The following FAT3 variants were observed in gnomAD, a reference collection of about 807,000 sequenced individuals.
The protein encoded by FAT3 is FAT atypical cadherin 3, also known as protocadherin Fat 3.
In FAT3, 95 loss-of-function variants were observed where a neutral mutation model predicts 310.2. That is an observed-to-expected ratio of 0.31 (90% confidence interval 0.26 to 0.36). FAT3 has a LOEUF of 0.36. Ranked by LOEUF, FAT3 falls within the 10% of genes least tolerant of loss-of-function variation. The pLI is 1.00. For missense variants in FAT3, 5,408 were observed against 5,715.6 expected (o/e 0.95, Z 1.74); for synonymous variants, 2,314 against 2,192.9 (o/e 1.06, Z -1.54).
intron 13 of FAT3, 55 bp from the exon 14 acceptor site, chr11:92,831,567 T>C (rs2136258784): frequency 6.7e-7 from 1 of 1,488,998 alleles, no homozygotes; most frequent in Non-Finnish European, 9.1e-7. Flanking sequence ...AACATTCTAG[T>C]GCAGATCATC....
intron 2 of FAT3, among the ~76,000 whole-genome samples, chr11:92,473,877 T>C (rs778232681): frequency 2.6e-5 from 4 of 152,216 alleles, no homozygotes; most frequent in Admixed American, 6.5e-5. Context: ...ATGGGCCTTA[T>C]GTGTGGAAAG....
intron 1 of FAT3, among the ~76,000 whole-genome samples, chr11:92,342,082 C>T (rs1948280320): frequency 6.6e-6 from 1 of 152,152 alleles, no homozygotes; most frequent in South Asian, 2.1e-4. Flanking sequence ...CCTGCTTGAG[C>T]CTGTGTCTGC....
At position 92,524,779 on chromosome 11, in the gene FAT3, G is replaced by A. The variant is rs117219140; in HGVS notation, c.3438G>A (p.Pro1146=). 3.8e-3 allele frequency: 6,105 copies of A among 1,613,676 alleles called. 29 individuals carry two copies. The highest frequency in any genetic ancestry group is 0.023 in the East Asian group (1,018 of 44,850). Residue 1146 remains proline, a synonymous_variant, in exon 3 of 28, where the codon CCG becomes CCA. Transcript: ENST00000525166. ...TTGAAGATGTGAATGACAATGCCCC[G>A]CTGACCTCAGAACCTATATATTATC... The part of the protein sequence containing the change: ...IEVEDVNDNA[P]LTSEPIYYPV...
At chr11:92,804,143 A>C (rs1177406187) in intron 10 of FAT3, among the ~76,000 whole-genome samples, 1 of 152,182 alleles carries the variant, frequency 6.6e-6, no homozygotes, top group Non-Finnish European at 1.5e-5. Context: ...TCCCTCCAGA[A>C]TGTGATCTCT....
chr11:92,865,643 G>T (rs976291901), intron 21 of FAT3, among the ~76,000 whole-genome samples: 1 of 152,200 alleles, frequency 6.6e-6, no homozygotes, highest in Non-Finnish European at 1.5e-5. Flanking sequence ...CTAGACAAGG[G>T]TGCAGCCCTC....
At chr11:92,235,809 T>C (rs960553799) in intron 1 of FAT3, among the ~76,000 whole-genome samples, 25 of 152,236 alleles carry the variant, frequency 1.6e-4, no homozygotes, top group Non-Finnish European at 3.5e-4. Flanking sequence ...CTGTATGTTC[T>C]AAGCAAGTGT....
At chr11:92,675,880 A>G (rs1019429004) in intron 3 of FAT3, among the ~76,000 whole-genome samples, 3 of 152,122 alleles carry the variant, frequency 2.0e-5, no homozygotes, top group African/African-American at 7.2e-5. Flanking sequence ...TGATTGGGTA[A>G]TTTTGGGTGA....
In FAT3 at chr11:92,893,656, A is replaced by G. The variant is rs1285574328; in HGVS notation, c.*2543A>G. 5.3e-5 allele frequency: 8 copies of G among 152,212 alleles called. No homozygotes were observed. 9.4% of individuals were successfully genotyped at this position (152,212 alleles called of 1,614,324 possible). A position where few individuals can be genotyped will look rare whatever the true frequency, so the allele number is the denominator to read the frequency against. On this transcript the variant is annotated 3_prime_UTR_variant, in exon 28 of 28. Transcript: ENST00000525166. ...CACCCTTTGCTGTGACCTATATAAA[A>G]TATCTCTTTCTTTGGGATATCATCC...
chr11:92,266,375 T>G (rs2134321486), intron 1 of FAT3, among the ~76,000 whole-genome samples: 1 of 152,294 alleles, frequency 6.6e-6, no homozygotes, highest in Non-Finnish European at 1.5e-5. Context: ...ATGCTATTTA[T>G]TCCGTGTTTG....
At chr11:92,509,795 G>A (rs1348325098) in intron 2 of FAT3, among the ~76,000 whole-genome samples, 2 of 152,226 alleles carry the variant, frequency 1.3e-5, no homozygotes, top group African/African-American at 4.8e-5. Context: ...GCTTTGGGGT[G>A]AAAATAATAT....
chr11:92,245,164 A>G (rs980743310), intron 1 of FAT3, among the ~76,000 whole-genome samples: 11 of 152,166 alleles, frequency 7.2e-5, no homozygotes, highest in Non-Finnish European at 1.3e-4. Context: ...GCAGCCATAA[A>G]AAAAGGATGA....
At chr11:92,612,084 T>A (rs1179456385) in intron 3 of FAT3, among the ~76,000 whole-genome samples, 6 of 152,216 alleles carry the variant, frequency 3.9e-5, no homozygotes, top group Non-Finnish European at 8.8e-5. Flanking sequence ...ATTTAATAAC[T>A]ATTTTATTGT....
chr11:92,345,794 C>CT, intron 1 of FAT3, among the ~76,000 whole-genome samples: 1 of 151,162 alleles, frequency 6.6e-6, no homozygotes, highest in East Asian at 1.9e-4. Flanking sequence ...CTAGTTTTAG[C>CT]TTTCTAATAG....
Position 92,353,295 on chromosome 11 carries a change from G to A in FAT3, c.1183G>A (p.Val395Ile). ...ISEFSPPGVV[V>I]AIVKLSPEPI... ...TGAATTTTCCCCTCCTGGTGTCGTG[G>A]TTGCTATAGTAAAATTAAGTCCTGA... The change falls in exon 2 of 28, where the codon GTT becomes ATT. Residue 395 changes from valine (V) to isoleucine (I), a missense_variant. By Grantham distance (29) the Val-to-Ile change is conservative. Around this residue, in one of 5 missense-constraint regions of FAT3, gnomAD observed 4,588 missense variants for 4,809.8 expected, o/e 0.95. Transcript: ENST00000525166. The A allele has an allele frequency of 6.2e-7, 1 of 1,613,600 alleles. No individual in the cohort carries two copies. The highest frequency in any genetic ancestry group is 8.5e-7 in the Non-Finnish European group (1 of 1,179,790).
At chr11:92,545,572 TCAGTCTACAGG>T (rs1330244046) in intron 3 of FAT3, among the ~76,000 whole-genome samples, 2 of 152,152 alleles carry the variant, frequency 1.3e-5, no homozygotes, top group Admixed American at 1.3e-4. Flanking sequence ...AAATGTATAG[TCAGTCTACAGG>T]CTATGCATTA....
At chr11:92,579,463 T>C (rs2135527488) in intron 3 of FAT3, among the ~76,000 whole-genome samples, 1 of 152,246 alleles carries the variant, frequency 6.6e-6, no homozygotes, top group Middle Eastern at 3.4e-3. Context: ...TTTCTGGAGA[T>C]ATATTCAATA....
At chr11:92,610,062 TTAAG>T (rs937262678) in intron 3 of FAT3, among the ~76,000 whole-genome samples, 8 of 152,288 alleles carry the variant, frequency 5.3e-5, no homozygotes, top group African/African-American at 7.2e-5. Flanking sequence ...TAATACAAAC[TTAAG>T]TAAGTCGATA....
intron 1 of FAT3, among the ~76,000 whole-genome samples, chr11:92,275,938 G>A (rs1531249): frequency 0.51 from 77,086 of 151,964 alleles, 19,802 homozygotes; most frequent in Non-Finnish European, 0.54. Context: ...AATTTTCAGA[G>A]TGCATAGTTG....
intron 1 of FAT3, among the ~76,000 whole-genome samples, chr11:92,248,585 A>G (rs1364094616): frequency 2.6e-5 from 4 of 152,132 alleles, no homozygotes; most frequent in Non-Finnish European, 4.4e-5. Context: ...GAATGCAAAC[A>G]TTAAGAAAAC....
Sources: allele counts gnomAD v4.1 joint callset (sites outside exome capture counted in the v4.1 genomes callset), GRCh38; gene constraint gnomAD v4.1.1; regional missense constraint gnomAD v4.1.1; transcripts MANE v1.5; gene names NCBI Gene and HGNC (gene_info 2026-07-23, HGNC 2026-07-21).